The following GRK5 variants were observed in gnomAD, a reference collection of about 807,000 sequenced individuals.
GRK5 encodes g protein-coupled receptor kinase GRK5.
In GRK5, 40 loss-of-function variants were observed where a neutral mutation model predicts 78.4. The ratio of observed to expected loss-of-function variants is 0.51; its 90% CI spans 0.40 to 0.66. The LOEUF is 0.66. Among genes scored for constraint, GRK5 ranks in the 30% least tolerant of loss-of-function variants. The probability of loss-of-function intolerance (pLI) is 0.00; values close to 1 mark genes in which losing one functional copy is unlikely to be tolerated. For missense variants in GRK5, 598 were observed against 759.9 expected (o/e 0.79, Z 2.50); for synonymous variants, 289 against 296.8 (o/e 0.97, Z 0.27).
At chr10:119,305,752 C>T (rs1850263684) in intron 1 of GRK5, among the ~76,000 whole-genome samples, 1 of 152,200 alleles carries the variant, frequency 6.6e-6, no homozygotes, top group African/African-American at 2.4e-5. Context: ...CTACGTGTCT[C>T]TCAACAGGAG....
chr10:119,341,043 C>T (rs547778103), intron 2 of GRK5, among the ~76,000 whole-genome samples: 102 of 152,258 alleles, frequency 6.7e-4, no homozygotes, highest in African/African-American at 2.0e-3. Context: ...TCTGCCCTGC[C>T]GTGTGGCACC....
chr10:119,452,646 G>T lies in GRK5; in HGVS notation c.1405-25G>T, dbSNP rs376502974. 1 of 1,613,504 alleles carries T rather than the reference G, an allele frequency of 6.2e-7. No individual in the cohort carries two copies. The highest frequency in any genetic ancestry group is 8.5e-7 in the Non-Finnish European group (1 of 1,179,926). ...CTGGAGCCGCAGGCGGGACATATGTGTGACCGGCCCTCTGCCCCTGGCAGC... is the reference window on the plus strand; with the variant it reads ...CTGGAGCCGCAGGCGGGACATATGTTTGACCGGCCCTCTGCCCCTGGCAGC... On this transcript the variant is annotated intron_variant, in intron 13 of 15. Transcript: ENST00000392870. This position sits in a 1 kb window ranked among gnomAD's most constrained non-coding sequence, Gnocchi z 4.4.
intron 2 of GRK5, chr10:119,330,380 G>GGAGAGAGAGA (rs57000272): frequency 3.8e-5 from 4 of 104,676 alleles, no homozygotes; most frequent in East Asian, 3.2e-4. Flanking sequence ...AGGGAGGGAG[G>GGAGAGAGAGA]GAGAGAGAGA....
At chr10:119,319,969 G>T (rs1277841514) in intron 1 of GRK5, among the ~76,000 whole-genome samples, 1 of 152,236 alleles carries the variant, frequency 6.6e-6, no homozygotes, top group African/African-American at 2.4e-5. Context: ...ACAAGAATTA[G>T]CTGCACCCGC....
At chr10:119,324,890 C>T (rs554399877) in intron 1 of GRK5, among the ~76,000 whole-genome samples, 1 of 151,746 alleles carries the variant, frequency 6.6e-6, no homozygotes, top group African/African-American at 2.4e-5. Context: ...CGGCAGGTGC[C>T]GCCTCACCAC....
chr10:119,392,513 C>A (rs1038777950), intron 3 of GRK5, among the ~76,000 whole-genome samples: 5 of 152,354 alleles, frequency 3.3e-5, no homozygotes, highest in African/African-American at 1.2e-4. Flanking sequence ...ATCGATTCTC[C>A]TGCCTCAGCC....
chr10:119,392,025 G>A, intron 3 of GRK5, among the ~76,000 whole-genome samples: 1 of 152,184 alleles, frequency 6.6e-6, no homozygotes, highest in Non-Finnish European at 1.5e-5. Context: ...TAAACCTAGG[G>A]CCGGCTTCTT....
intron 2 of GRK5, among the ~76,000 whole-genome samples, chr10:119,329,357 A>G (rs1455204620): frequency 1.3e-5 from 2 of 152,166 alleles, no homozygotes; most frequent in Admixed American, 6.5e-5. Flanking sequence ...TAAAACAAAC[A>G]TAAGATTTTG....
chr10:119,279,299 C>T (rs1487443692), intron 1 of GRK5, among the ~76,000 whole-genome samples: 1 of 152,202 alleles, frequency 6.6e-6, no homozygotes, highest in East Asian at 1.9e-4. Flanking sequence ...CAAATACAGT[C>T]ATGTTCTGAG....
intron 1 of GRK5, among the ~76,000 whole-genome samples, chr10:119,215,097 G>C (rs561939152): frequency 6.6e-6 from 1 of 152,338 alleles, no homozygotes; most frequent in East Asian, 1.9e-4. Context: ...TGACCGAAAA[G>C]ATTAAAGGTA....
At chr10:119,439,201 C>A (rs113372887) in intron 9 of GRK5, among the ~76,000 whole-genome samples, 163 of 152,392 alleles carry the variant, frequency 1.1e-3, no homozygotes, top group African/African-American at 3.7e-3. Context: ...GGCAGCCACA[C>A]CTATGCCATG....
intron 1 of GRK5, among the ~76,000 whole-genome samples, chr10:119,314,349 C>A (rs1178888299): frequency 6.6e-6 from 1 of 152,214 alleles, no homozygotes; most frequent in Non-Finnish European, 1.5e-5. Flanking sequence ...GAACCTGGGG[C>A]TGGATCCTGC....
chr10:119,422,782 C>T (rs1852597236), intron 4 of GRK5, among the ~76,000 whole-genome samples: 1 of 152,248 alleles, frequency 6.6e-6, no homozygotes, highest in Non-Finnish European at 1.5e-5. Context: ...AGCATTTGCA[C>T]ACCTTGTCAG....
At chr10:119,409,019 G>A (rs1439921907) in intron 4 of GRK5, among the ~76,000 whole-genome samples, 1 of 152,152 alleles carries the variant, frequency 6.6e-6, no homozygotes, top group Non-Finnish European at 1.5e-5. Flanking sequence ...GGTGTAGCAG[G>A]GGGCAAGCAG....
chr10:119,209,316 T>C (rs574079153), intron 1 of GRK5, among the ~76,000 whole-genome samples: 2 of 152,156 alleles, frequency 1.3e-5, no homozygotes, highest in East Asian at 3.9e-4. Context: ...GGCAAGAAGG[T>C]TTATTTCAGA....
At chr10:119,403,943 T>C (rs950451944) in intron 4 of GRK5, among the ~76,000 whole-genome samples, 11 of 152,204 alleles carry the variant, frequency 7.2e-5, no homozygotes, top group Non-Finnish European at 1.2e-4. Flanking sequence ...CCTGCTTCTA[T>C]TTTTTGTTTC....
At position 119,431,095 on chromosome 10, in the gene GRK5, C is replaced by G. The variant is rs1198680403; in HGVS notation, c.598-292C>G. On this transcript the variant is annotated intron_variant, in intron 7 of 15. Transcript: ENST00000392870. This position sits in a 1 kb window ranked among gnomAD's most constrained non-coding sequence, Gnocchi z 4.8. Reference sequence around the variant, plus strand: ...CTGTTGCCCTGGGAATGGAACGGTACTTGGGGCCCCAGTCAGTTATCTAAG... The same window carrying G: ...CTGTTGCCCTGGGAATGGAACGGTAGTTGGGGCCCCAGTCAGTTATCTAAG... 1.3e-5 allele frequency among the ~76,000 whole-genome samples: 2 copies of G among 152,210 alleles called. No individual in the cohort carries two copies. The highest frequency in any genetic ancestry group is 2.9e-5 in the Non-Finnish European group (2 of 68,032).
At chr10:119,337,100 G>C (rs1169616716) in intron 2 of GRK5, among the ~76,000 whole-genome samples, 1 of 152,212 alleles carries the variant, frequency 6.6e-6, no homozygotes, top group Non-Finnish European at 1.5e-5. Context: ...TCTGCAGGGA[G>C]AGTGTGTGAT....
Position 119,423,162 on chromosome 10 carries a change from C to G in GRK5, c.340-4C>G. 6.2e-7 allele frequency: 1 copy of G among 1,605,474 alleles called. No homozygotes were observed. Among genetic ancestry groups the G allele is most frequent in the Middle Eastern group, 1.7e-4 (1 of 6,054 alleles). On this transcript the variant is annotated splice_polypyrimidine_tract_variant and splice_region_variant and intron_variant, in intron 4 of 15. Transcript: ENST00000392870. ...GACCACCTCCCTTCCCTTCCTTCTT[C>G]CAGTCCCCTGTTTTCATAGCCCAAG...
Sources: gnomAD v4.1 joint callset for allele counts (sites outside exome capture counted in the v4.1 genomes callset) on GRCh38, gnomAD v4.1.1 for gene constraint, Gnocchi (gnomAD v3.1) non-coding constraint, MANE v1.5 for transcripts, NCBI Gene and HGNC (gene_info 2026-07-23, HGNC 2026-07-21) for gene names.